The following PES1 variants were observed in gnomAD, a reference collection of about 807,000 sequenced individuals.
PES1 encodes the protein pescadillo ribosomal biogenesis factor 1, also known as pescadillo homolog.
In PES1, 31 loss-of-function variants were observed where a neutral mutation model predicts 77.1. The observed-to-expected ratio is 0.40, with a 90% CI of 0.30 to 0.54. PES1 has a LOEUF of 0.54. Ranked by LOEUF, PES1 falls within the 20% of genes least tolerant of loss-of-function variation. The pLI is 0.45. For missense variants in PES1, 658 were observed against 771.7 expected (o/e 0.85, Z 1.75); for synonymous variants, 282 against 303.0 (o/e 0.93, Z 0.72).
chr22:30,600,503 C>T (rs1398673806), intron 2 of PES1, among the ~76,000 whole-genome samples: 1 of 151,684 alleles, frequency 6.6e-6, no homozygotes, highest in Non-Finnish European at 1.5e-5. Context: ...GGCAAAAAAG[C>T]GAGGTCCTGT....
At chr22:30,594,095 A>C (rs1602023881), upstream of PES1, among the ~76,000 whole-genome samples, 1 of 152,192 alleles carries the variant, frequency 6.6e-6, no homozygotes. Flanking sequence ...AGGGAGACAC[A>C]CCTGGTTTAC....
intron 6 of PES1, among the ~76,000 whole-genome samples, chr22:30,583,695 T>C (rs563218128): frequency 1.3e-5 from 2 of 152,308 alleles, no homozygotes; most frequent in East Asian, 3.9e-4. Flanking sequence ...AGGCTGAGAT[T>C]GGAGGACTGC....
intron 2 of PES1, among the ~76,000 whole-genome samples, chr22:30,603,225 T>A (rs1354310787): frequency 5.3e-5 from 8 of 151,922 alleles, no homozygotes; most frequent in African/African-American, 1.9e-4. Context: ...GAAAGTAATT[T>A]TAAACTCACA....
At chr22:30,594,679 A>C (rs959487339), upstream of PES1, among the ~76,000 whole-genome samples, 21 of 152,068 alleles carry the variant, frequency 1.4e-4, no homozygotes, top group African/African-American at 4.6e-4. Flanking sequence ...AAAAAAAAAA[A>C]AAAAACACAG....
At chr22:30,587,540 T>C in intron 3 of PES1, 145 bp from the exon 4 acceptor site, 1 of 640,854 alleles carries the variant, frequency 1.6e-6, no homozygotes, top group Non-Finnish European at 2.7e-6. Context: ...CTGACCCCTC[T>C]GCCCAGGATG....
chr22:30,598,522 G>A (rs899185030), intron 2 of PES1, among the ~76,000 whole-genome samples: 4 of 152,140 alleles, frequency 2.6e-5, no homozygotes, highest in South Asian at 2.1e-4. Context: ...TCTGCTTCCC[G>A]GGTTTAGGTG....
exon 1 of PES1, chr22:30,606,959 C>T (rs1165772490): frequency 2.4e-5 from 23 of 942,364 alleles, no homozygotes; most frequent in East Asian, 7.0e-5. Context: ...CAGGCACGGT[C>T]GGACAGACTT....
intron 6 of PES1, among the ~76,000 whole-genome samples, chr22:30,582,095 T>C (rs1460151722): frequency 6.6e-6 from 1 of 152,238 alleles, no homozygotes; most frequent in Non-Finnish European, 1.5e-5. Flanking sequence ...GCTGCATGTC[T>C]GCTGCTGGGC....
At chr22:30,587,061 C>A in intron 4 of PES1, 2 of 522,820 alleles carry the variant, frequency 3.8e-6, no homozygotes, top group African/African-American at 1.9e-5. Flanking sequence ...CTTCCGCGGG[C>A]TGGCTCAAAC....
intron 2 of PES1, among the ~76,000 whole-genome samples, chr22:30,604,617 A>C (rs1356556856): frequency 7.7e-6 from 1 of 130,476 alleles, no homozygotes; most frequent in African/African-American, 3.0e-5. Flanking sequence ...GCAACGAGTG[A>C]GACCCTGTCT....
Position 30,584,549 on chromosome 22 carries a change from G to C in PES1, c.537C>G (p.Arg179=). 6.2e-7 allele frequency: 1 copy of C among 1,610,828 alleles called. No homozygotes were observed. The highest frequency in any genetic ancestry group is 8.5e-7 in the Non-Finnish European group (1 of 1,178,490). Residue 179 remains arginine (R), a synonymous_variant, in exon 5 of 15, where the codon CGC becomes CGG. Coordinates refer to ENST00000354694, the MANE Select transcript of PES1 (RefSeq NM_014303.4). ...MHYIIAARAL[R]KVFLSIKGIY... Reference sequence around the variant, plus strand: ...AGCCGGGCAGTCCCAGGCTCACCTTGCGCAGGGCACGGGCAGCGATAATGT... The same window carrying C: ...AGCCGGGCAGTCCCAGGCTCACCTTCCGCAGGGCACGGGCAGCGATAATGT...
Position 30,579,227 on chromosome 22 carries a change from A to G in PES1, c.1431T>C (p.Asn477=), listed in dbSNP as rs1454084962. The G allele has an allele frequency of 6.2e-7, 1 of 1,602,692 alleles. No individual in the cohort carries two copies. Among genetic ancestry groups the G allele is most frequent in the African/African-American group, 1.4e-5 (1 of 73,954 alleles). The change falls in exon 13 of 15, where the codon AAT becomes AAC. Residue 477 remains asparagine, a synonymous_variant. Transcript: ENST00000354694. ...NEGDGDEEGE[N]EEEEEDAEAG... is the part of the protein sequence containing the mutation. ...CCTCTGCATCTTCCTCCTCCTCCTC[A>G]TTTTCTCCCTCTTCATCACCATCAC...
At chr22:30,604,413 A>C (rs763887100) in intron 2 of PES1, among the ~76,000 whole-genome samples, 3 of 151,858 alleles carry the variant, frequency 2.0e-5, no homozygotes, top group Non-Finnish European at 4.4e-5. Context: ...CAGGCAGATC[A>C]CTTGAGGTCA....
intron 2 of PES1, among the ~76,000 whole-genome samples, chr22:30,603,370 TTTTG>T (rs1037058580): frequency 6.6e-5 from 10 of 151,982 alleles, no homozygotes; most frequent in East Asian, 5.8e-4. Context: ...TTCTTTCTGT[TTTTG>T]TTTGTTTTTT....
At chr22:30,584,815 G>T (rs2087051197) in intron 4 of PES1, 98 bp from the exon 5 acceptor site, 5 of 1,278,772 alleles carry the variant, frequency 3.9e-6, no homozygotes, top group Admixed American at 2.1e-5. Context: ...CGTTCCTCAA[G>T]CCAGGCCTCA....
chr22:30,577,145 C>T lies in PES1; in HGVS notation c.1684-16G>A, dbSNP rs778366574. ...GCTTGTTGGCCTGTGAGGGGGAAGG[C>T]GAAGGTCAGGCTGAGGTATGTGTAG... On this transcript the variant is annotated splice_polypyrimidine_tract_variant and intron_variant, in intron 14 of 14. Coordinates refer to ENST00000354694, the MANE Select transcript of PES1 (RefSeq NM_014303.4). 9.9e-6 allele frequency: 16 copies of T among 1,610,674 alleles called. No individual in the cohort carries two copies. Among genetic ancestry groups the T allele is most frequent in the South Asian group, 6.6e-5 (6 of 91,016 alleles).
At chr22:30,603,554 G>C (rs2087391205) in intron 2 of PES1, among the ~76,000 whole-genome samples, 1 of 151,356 alleles carries the variant, frequency 6.6e-6, no homozygotes, top group East Asian at 2.0e-4. Flanking sequence ...GCTAATTTTT[G>C]TATTTTTAGT....
At chr22:30,606,937 G>A in exon 1 of PES1, 1 of 1,040,508 alleles carries the variant, frequency 9.6e-7, no homozygotes, top group South Asian at 2.6e-5. Flanking sequence ...GAACAGCTGG[G>A]GGGACAGCAG....
In PES1 at chr22:30,578,913, G is replaced by C; in HGVS notation, c.1607C>G (p.Ala536Gly). ...QEEESEAKRLAIMMMKKREKY... is the reference protein window; with the variant it reads ...QEEESEAKRLGIMMMKKREKY... ...CTCCCGCTTCTTCATCATCATAATG[G>C]CCAGGCGCTTGGCCTCACTCTCCTC... The change falls in exon 14 of 15, where the codon GCC becomes GGC. Residue 536 changes from alanine to glycine, a missense_variant. By Grantham distance (60) the Ala-to-Gly change is moderately conservative. Transcript: ENST00000354694. 6.2e-7 allele frequency: 1 copy of C among 1,613,464 alleles called. No homozygotes were observed. Among genetic ancestry groups the C allele is most frequent in the Non-Finnish European group, 8.5e-7 (1 of 1,180,000 alleles).
Sources: allele counts gnomAD v4.1 joint callset (sites outside exome capture counted in the v4.1 genomes callset), GRCh38; gene constraint gnomAD v4.1.1; transcripts MANE v1.5; gene names NCBI Gene and HGNC (gene_info 2026-07-23, HGNC 2026-07-21).